MALRD1: variants seen among roughly 807,000 people sequenced by gnomAD.
MALRD1 encodes MAM and LDL receptor class A domain containing 1.
MALRD1 carries 247 observed loss-of-function variants against 242.1 expected under a neutral mutation model. The ratio of observed to expected loss-of-function variants is 1.02; its 90% confidence interval spans 0.92 to 1.13. The LOEUF is 1.13. Among genes scored for constraint, MALRD1 ranks in the 50% most tolerant of loss-of-function variants. MALRD1 has a pLI of 0.00. For missense variants in MALRD1, 2,989 were observed against 2,533.1 expected (o/e 1.18, Z -3.86); for synonymous variants, 995 against 866.6 (o/e 1.15, Z -2.60).
chr10:19,361,616 C>G (rs1262181179), intron 26 of MALRD1, among the ~76,000 whole-genome samples: 1 of 152,080 alleles, frequency 6.6e-6, no homozygotes, highest in Non-Finnish European at 1.5e-5. Context: ...TAGTTAAACT[C>G]AGAAGATCTC....
At chr10:19,134,196 T>C (rs936536085) in intron 9 of MALRD1, among the ~76,000 whole-genome samples, 4 of 152,192 alleles carry the variant, frequency 2.6e-5, no homozygotes, top group African/African-American at 7.2e-5. Flanking sequence ...GCAGCCTTCC[T>C]TTCTTGCTCC....
intron 28 of MALRD1, among the ~76,000 whole-genome samples, chr10:19,446,734 A>G (rs1835003737): frequency 1.3e-5 from 2 of 152,328 alleles, no homozygotes; most frequent in South Asian, 4.1e-4. Flanking sequence ...TTATGAGAAG[A>G]AAATAATTCT....
chr10:19,307,844 A>T (rs1357444588), intron 21 of MALRD1, among the ~76,000 whole-genome samples: 1 of 151,600 alleles, frequency 6.6e-6, no homozygotes, highest in Non-Finnish European at 1.5e-5. Context: ...ATTGACAAAT[A>T]ATAATTGCAC....
intron 18 of MALRD1, among the ~76,000 whole-genome samples, chr10:19,215,062 C>T (rs942287087): frequency 6.6e-5 from 10 of 152,106 alleles, no homozygotes; most frequent in Non-Finnish European, 1.5e-4. Context: ...TTGAGTGATC[C>T]CCTTTTGCTT....
intron 36 of MALRD1, among the ~76,000 whole-genome samples, chr10:19,687,908 TTAATGTTATGTTATG>T (rs1447130580): frequency 1.4e-3 from 205 of 145,654 alleles, no homozygotes; most frequent in African/African-American, 4.8e-3. Flanking sequence ...ATTTATTTTT[TTAATGTTATGTTATG>T]TTATGTTATG....
chr10:19,401,049 A>G (rs923470642), intron 28 of MALRD1, among the ~76,000 whole-genome samples: 2 of 152,090 alleles, frequency 1.3e-5, no homozygotes, highest in Admixed American at 6.6e-5. Flanking sequence ...AGAAGAAGAA[A>G]GAAAGGAGAA....
chr10:19,237,570 ATATATAATTATAATTATATAAT>A (rs1159609907), intron 18 of MALRD1, among the ~76,000 whole-genome samples: 2 of 118,646 alleles, frequency 1.7e-5, no homozygotes, highest in Non-Finnish European at 3.4e-5. Flanking sequence ...ACATAAAATT[ATATATAATTATAATTATATAAT>A]TATATAATTA....
chr10:19,701,137 A>T (rs562643704), intron 38 of MALRD1, among the ~76,000 whole-genome samples: 1 of 152,272 alleles, frequency 6.6e-6, no homozygotes, highest in African/African-American at 2.4e-5. Flanking sequence ...TGACAAAGCA[A>T]GACCCTGTCT....
At chr10:19,463,118 T>C (rs1369440023) in intron 29 of MALRD1, among the ~76,000 whole-genome samples, 1 of 152,160 alleles carries the variant, frequency 6.6e-6, no homozygotes, top group Non-Finnish European at 1.5e-5. Flanking sequence ...ACCAATAGCC[T>C]ACCACAATTT....
intron 38 of MALRD1, chr10:19,722,038 CTTCAT>C (rs531364629): frequency 4.6e-5 from 7 of 152,324 alleles, no homozygotes; most frequent in African/African-American, 1.7e-4. Context: ...AGTTAGTGGA[CTTCAT>C]TTCATCACTA....
chr10:19,186,825 T>C (rs1308189078), intron 14 of MALRD1, among the ~76,000 whole-genome samples: 2 of 152,196 alleles, frequency 1.3e-5, no homozygotes, highest in African/African-American at 4.8e-5. Flanking sequence ...TTCTCTTTTC[T>C]CACATGCCAC....
intron 28 of MALRD1, among the ~76,000 whole-genome samples, chr10:19,390,106 C>T (rs1846275166): frequency 6.6e-6 from 1 of 152,188 alleles, no homozygotes; most frequent in African/African-American, 2.4e-5. Context: ...AGTTCAACAT[C>T]ATATCCTGTG....
chr10:19,554,521 A>AT (rs1274839768), intron 32 of MALRD1, among the ~76,000 whole-genome samples: 1 of 151,956 alleles, frequency 6.6e-6, no homozygotes, highest in Non-Finnish European at 1.5e-5. Flanking sequence ...TGCATTAGCC[A>AT]TTTTTTCTAA....
intron 32 of MALRD1, among the ~76,000 whole-genome samples, chr10:19,531,697 A>G (rs1288031974): frequency 1.3e-5 from 2 of 152,234 alleles, no homozygotes; most frequent in East Asian, 3.8e-4. Context: ...CATAATGGTG[A>G]GGAAGATAAT....
At chr10:19,507,623 A>C (rs973109258) in intron 31 of MALRD1, among the ~76,000 whole-genome samples, 1 of 152,186 alleles carries the variant, frequency 6.6e-6, no homozygotes, top group Non-Finnish European at 1.5e-5. Context: ...AATACATTGG[A>C]ATTTATTGTG....
At chr10:19,592,741 A>ACACACACACACACACACGCACG in intron 33 of MALRD1, among the ~76,000 whole-genome samples, 1 of 114,782 alleles carries the variant, frequency 8.7e-6, no homozygotes. Context: ...ACACACACAC[A>ACACACACACACACACACGCACG]CACACACACA....
intron 36 of MALRD1, among the ~76,000 whole-genome samples, chr10:19,632,692 CT>C (rs1274095857): frequency 6.6e-6 from 1 of 152,080 alleles, no homozygotes; most frequent in African/African-American, 2.4e-5. Context: ...ACCCTAACCC[CT>C]TTCCAGACAA....
chr10:19,489,078 G>T (rs1181347080), intron 29 of MALRD1: 4 of 460,286 alleles, frequency 8.7e-6, no homozygotes, highest in Middle Eastern at 3.3e-4. Flanking sequence ...CACCGCGCAC[G>T]CGCCTTTCCG....
Position 19,706,197 on chromosome 10 carries a change from G to A in MALRD1, c.6314+13643G>A, listed in dbSNP as rs184683792. ...TGCAGAAACTTGTGGTTTCAAAAAC[G>A]ATGAACACAGCTAGAGACTCTGGGA... On this transcript the variant is annotated intron_variant, in intron 38 of 39. Transcript: ENST00000454679. 3.6e-3 allele frequency among the ~76,000 whole-genome samples: 547 copies of A among 152,304 alleles called. 5 individuals carry two copies. The highest frequency in any genetic ancestry group is 7.0e-3 in the South Asian group (34 of 4,832).
Sources: allele counts gnomAD v4.1 joint callset (sites outside exome capture counted in the v4.1 genomes callset), GRCh38; gene constraint gnomAD v4.1.1; transcripts MANE v1.5; gene names NCBI Gene and HGNC (gene_info 2026-07-23, HGNC 2026-07-21).